Variants in MYL3 observed in about 807,000 individuals in gnomAD.
MYL3 encodes CMLC1.
A neutral mutation model predicts 21.3 loss-of-function variants in MYL3; 11 were observed. That is an observed-to-expected ratio of 0.52 (90% CI 0.32 to 0.85). MYL3 has a LOEUF of 0.85. Among genes scored for constraint, MYL3 ranks in the 40% least tolerant of loss-of-function variants. The pLI, the probability that MYL3 is intolerant of heterozygous loss-of-function variation, is 0.03. For synonymous variants in MYL3, 88 were observed against 91.6 expected, an observed-to-expected ratio of 0.96 and a Z score of 0.22; for missense variants, 206 against 253.3, an observed-to-expected ratio of 0.81 and a Z score of 1.27.
chr3:46,876,680 A>C (rs2030237845), intron 1 of MYL3, among the ~76,000 whole-genome samples: 1 of 152,198 alleles, frequency 6.6e-6, no homozygotes, highest in Admixed American at 6.5e-5. Flanking sequence ...GGGGGGCCCT[A>C]GGAATGTGCC....
chr3:46,858,830 C>T (rs991349610), intron 4 of MYL3, among the ~76,000 whole-genome samples: 1 of 152,038 alleles, frequency 6.6e-6, no homozygotes, highest in South Asian at 2.1e-4. Context: ...AGAGACCACC[C>T]GCTGCTCCCC....
upstream of MYL3, among the ~76,000 whole-genome samples, chr3:46,864,098 T>C (rs1702024262): frequency 6.6e-6 from 1 of 151,918 alleles, no homozygotes; most frequent in Admixed American, 6.6e-5. The surrounding 1 kb of genome is among the most constrained non-coding windows in gnomAD (Gnocchi z 4.7). Flanking sequence ...GTGCTCCGTA[T>C]CTGTGTCTAT....
In MYL3 at chr3:46,860,351, C is replaced by T. The variant is rs939173533; in HGVS notation, c.307+325G>A. Among the ~76,000 whole-genome samples the T allele has an allele frequency of 6.6e-5, 10 of 152,116 alleles. No homozygotes were observed. The highest frequency in any genetic ancestry group is 2.2e-4 in the African/African-American group (9 of 41,408). On this transcript the variant is annotated intron_variant, in intron 3 of 6. Transcript: ENST00000292327. This position sits in a 1 kb window ranked among gnomAD's most constrained non-coding sequence, Gnocchi z 4.6. Reference sequence around the variant, plus strand: ...CTATGTTACCCAGGCTGGTCTCACTCCTGGCCTCAAGTGATCCTCCCAAAG... The same window carrying T: ...CTATGTTACCCAGGCTGGTCTCACTTCTGGCCTCAAGTGATCCTCCCAAAG...
chr3:46,881,610 G>T (rs985100825), intron 1 of MYL3, among the ~76,000 whole-genome samples: 1 of 152,226 alleles, frequency 6.6e-6, no homozygotes, highest in African/African-American at 2.4e-5. Context: ...CGCTGGGCAG[G>T]GAGGGAGCGG....
intron 1 of MYL3, among the ~76,000 whole-genome samples, chr3:46,875,496 G>C (rs954676195): frequency 6.6e-6 from 1 of 152,222 alleles, no homozygotes; most frequent in East Asian, 1.9e-4. Context: ...GCAATTTGAG[G>C]ACATGCCCTC....
intron 1 of MYL3, among the ~76,000 whole-genome samples, chr3:46,872,881 TG>T: frequency 6.6e-6 from 1 of 152,340 alleles, no homozygotes; most frequent in Non-Finnish European, 1.5e-5. Context: ...GATCTGTCTC[TG>T]ATCCTGGGGC....
At chr3:46,876,516 C>G in intron 1 of MYL3, among the ~76,000 whole-genome samples, 1 of 152,188 alleles carries the variant, frequency 6.6e-6, no homozygotes, top group Admixed American at 6.5e-5. Flanking sequence ...TTCACTATGT[C>G]CCCTGGCCAG....
At position 46,860,903 on chromosome 3, in the gene MYL3, C is replaced by T; in HGVS notation, c.157+57G>A. On this transcript the variant is annotated intron_variant, in intron 2 of 6. Transcript: ENST00000292327. The surrounding 1 kb of genome is among the most constrained non-coding windows in gnomAD (Gnocchi z 4.6). Reference sequence around the variant, plus strand: ...CTCCCCACACCCCTGGCAGGACCCTCAGACCAGGGAACCCCAGCCCAATCC... The same window carrying T: ...CTCCCCACACCCCTGGCAGGACCCTTAGACCAGGGAACCCCAGCCCAATCC... 6.2e-7 allele frequency: 1 copy of T among 1,614,154 alleles called. No individual in the cohort carries two copies. The highest frequency in any genetic ancestry group is 8.5e-7 in the Non-Finnish European group (1 of 1,180,008).
At position 46,860,555 on chromosome 3, in the gene MYL3, T is replaced by C; in HGVS notation, c.307+121A>G. ...GGCCCTGTGACTGGCCTCGGTGCCC[T>C]CATCGGGACAATGCGAGATGTCAGG... is the stretch of plus-strand genomic sequence containing the variant. On this transcript the variant is annotated intron_variant, in intron 3 of 6. Coordinates refer to ENST00000292327, the MANE Select transcript of MYL3 (RefSeq NM_000258.3). This position sits in a 1 kb window ranked among gnomAD's most constrained non-coding sequence, Gnocchi z 4.6. The C allele has an allele frequency of 7.1e-7, 1 of 1,411,440 alleles. No homozygotes were observed. The highest frequency in any genetic ancestry group is 9.6e-7 in the Non-Finnish European group (1 of 1,037,152). The allele number at this position is 1,411,440 out of a possible 1,614,324, so 87.4% of individuals were successfully genotyped here.
upstream of MYL3, among the ~76,000 whole-genome samples, chr3:46,867,521 C>T (rs1044880373): frequency 9.9e-5 from 15 of 152,230 alleles, no homozygotes; most frequent in African/African-American, 2.4e-4. Context: ...ATGGTTGCCA[C>T]GTGGAGGGTG....
intron 1 of MYL3, among the ~76,000 whole-genome samples, chr3:46,873,193 T>C (rs972277728): frequency 5.9e-5 from 9 of 152,140 alleles, no homozygotes; most frequent in Non-Finnish European, 1.0e-4. Context: ...GGAGGGGGCC[T>C]TTGGAGGGCA....
Position 46,875,178 on chromosome 3 carries a change from C to T in MYL3, c.-218+6896G>A, listed in dbSNP as rs967422240. Among the ~76,000 whole-genome samples the T allele has an allele frequency of 2.0e-5, 3 of 152,172 alleles. No individual in the cohort carries two copies. In the East Asian group the frequency reaches 5.8e-4, roughly 29 times the overall value. ...CCTTCCATTTCCAGGGACCACGGGA[C>T]GGTGCTCTAACTCACCCAAAGAAAG... On this transcript the variant is annotated intron_variant, in intron 1 of 3. Coordinates refer to the MYL3 transcript ENST00000431168.
chr3:46,874,172 C>T lies in MYL3; in HGVS notation c.-217-7572G>A, dbSNP rs139110928. ...TTTTATAAACTTCCCTGAGTGCTTC[C>T]CCTCTCCAGCCAGTTCAGCCAATGT... On this transcript the variant is annotated intron_variant, in intron 1 of 3. Transcript: ENST00000431168. The surrounding 1 kb of genome is among the most constrained non-coding windows in gnomAD (Gnocchi z 4.1). 9.3e-4 allele frequency among the ~76,000 whole-genome samples: 141 copies of T among 152,330 alleles called. 1 individual carries two copies. Among genetic ancestry groups the T allele is most frequent in the South Asian group, 7.5e-3 (36 of 4,830 alleles).
At chr3:46,875,635 T>C (rs1413338265) in intron 1 of MYL3, among the ~76,000 whole-genome samples, 2 of 152,194 alleles carry the variant, frequency 1.3e-5, no homozygotes, top group African/African-American at 2.4e-5. Context: ...TGCTCCACAA[T>C]GTGCATGGGG....
upstream of MYL3, among the ~76,000 whole-genome samples, chr3:46,868,122 G>A (rs747168770): frequency 2.6e-5 from 4 of 152,186 alleles, no homozygotes; most frequent in East Asian, 3.9e-4. Context: ...CAGCAAAGCC[G>A]CTCTGCCACT....
rs536445081 is a variant in MYL3, at chr3:46,859,589, T to C, written c.367A>G (p.Lys123Glu). 2.2e-5 allele frequency: 36 copies of C among 1,614,200 alleles called. No individual in the cohort carries two copies. In the South Asian group the frequency reaches 3.7e-4, roughly 17 times the overall value. Residue 123 changes from lysine to glutamate, a missense_variant, in exon 4 of 7, where the codon AAG (lysine) becomes GAG (glutamate). Transcript: ENST00000292327. This position sits in a 1 kb window ranked among gnomAD's most constrained non-coding sequence, Gnocchi z 4.1. Reference sequence around the variant, plus strand: ...TCATAGGTGCCTGTGTCCTTGTTCTTGGAAATGTGCTGGAGCATAGGCAGG... The same window carrying C: ...TCATAGGTGCCTGTGTCCTTGTTCTCGGAAATGTGCTGGAGCATAGGCAGG... ...TFLPMLQHIS[K>E]NKDTGTYEDF...
At chr3:46,870,854 G>GCA (rs904559501) in intron 1 of MYL3, among the ~76,000 whole-genome samples, 5 of 152,224 alleles carry the variant, frequency 3.3e-5, no homozygotes, top group African/African-American at 1.2e-4. Flanking sequence ...ATGTGTGTGT[G>GCA]CACACGTAGC....
chr3:46,868,076 G>A (rs549034708), upstream of MYL3, among the ~76,000 whole-genome samples: 1 of 152,292 alleles, frequency 6.6e-6, no homozygotes, highest in South Asian at 2.1e-4. Flanking sequence ...TGGCCCTGGA[G>A]CCTCAGATGA....
Position 46,859,645 on chromosome 3 carries a change from A to G in MYL3, c.311T>C (p.Leu104Pro), listed in dbSNP as rs779469144. 2.5e-6 allele frequency: 4 copies of G among 1,614,094 alleles called. No homozygotes were observed. The South Asian group carries it at 4.4e-5, about 18-fold the overall frequency. Residue 104 changes from leucine to proline, a missense_variant, in exon 4 of 7, where the codon CTC (leucine) becomes CCC (proline). Coordinates refer to ENST00000292327, the MANE Select transcript of MYL3 (RefSeq NM_000258.3). This position sits in a 1 kb window ranked among gnomAD's most constrained non-coding sequence, Gnocchi z 4.1. ...TTCAAAGTCCATCATCTTGGTATTG[A>G]GCTCTGCAGAGAAATGGTCCCAGGT... Reference protein sequence around the residue: ...RVLGKPRQEELNTKMMDFETF... With the variant: ...RVLGKPRQEEPNTKMMDFETF...
Sources: allele counts gnomAD v4.1 joint callset (sites outside exome capture counted in the v4.1 genomes callset), GRCh38; gene constraint gnomAD v4.1.1; non-coding constraint Gnocchi (gnomAD v3.1); transcripts MANE v1.5; gene names NCBI Gene and HGNC (gene_info 2026-07-23, HGNC 2026-07-21).